The following PTPRE variants were observed in gnomAD, a reference collection of about 807,000 sequenced individuals.
The protein encoded by PTPRE is receptor-type tyrosine-protein phosphatase epsilon.
A neutral mutation model predicts 102.0 loss-of-function variants in PTPRE; 51 were observed. That is an observed-to-expected ratio of 0.50 (90% confidence interval 0.40 to 0.63). The LOEUF (loss-of-function observed/expected upper bound fraction) is 0.63. PTPRE is among the 30% of genes least tolerant of loss of function. The pLI, the probability that PTPRE is intolerant of heterozygous loss-of-function variation, is 0.00. For missense variants in PTPRE, 752 were observed against 915.1 expected (o/e 0.82, Z 2.30); for synonymous variants, 345 against 348.2 (o/e 0.99, Z 0.10).
In PTPRE at chr10:128,056,105, T is replaced by C. The variant is rs4424589; in HGVS notation, c.421-18T>C. 0.8 allele frequency: 1,253,590 copies of C among 1,564,958 alleles called. 503,815 individuals carry two copies. Among genetic ancestry groups the C allele is most frequent in the African/African-American group, 0.91 (67,345 of 73,886 alleles). On this transcript the variant is annotated intron_variant, in intron 6 of 20. Transcript: ENST00000254667. ...TTGAATCCATCACATTTCATACTAATGCTACATTTTCTTCCAGTCATTGCC... is the reference window on the plus strand; with the variant it reads ...TTGAATCCATCACATTTCATACTAACGCTACATTTTCTTCCAGTCATTGCC...
At chr10:127,935,524 G>C (rs563156799) in intron 1 of PTPRE, among the ~76,000 whole-genome samples, 1 of 152,098 alleles carries the variant, frequency 6.6e-6, no homozygotes, top group Non-Finnish European at 1.5e-5. Flanking sequence ...CCCAGCCTGA[G>C]GGCATCTGGG....
chr10:128,017,359 C>T (rs1266767330), intron 2 of PTPRE, among the ~76,000 whole-genome samples: 1 of 152,132 alleles, frequency 6.6e-6, no homozygotes, highest in African/African-American at 2.4e-5. Flanking sequence ...CCAGTGTGCA[C>T]ATTGTGAGGG....
At chr10:127,970,213 C>T (rs1162873994) in intron 1 of PTPRE, among the ~76,000 whole-genome samples, 1 of 152,132 alleles carries the variant, frequency 6.6e-6, no homozygotes, top group African/African-American at 2.4e-5. Context: ...GGGGGACACC[C>T]CACAATGATG....
intron 2 of PTPRE, among the ~76,000 whole-genome samples, chr10:127,989,565 C>T (rs1033948122): frequency 6.6e-6 from 1 of 152,186 alleles, no homozygotes; most frequent in Non-Finnish European, 1.5e-5. Context: ...CAGTCCCCAG[C>T]GGTGCTCTCT....
chr10:128,022,139 A>T (rs1240972958), intron 2 of PTPRE, among the ~76,000 whole-genome samples: 1 of 152,192 alleles, frequency 6.6e-6, no homozygotes, highest in Non-Finnish European at 1.5e-5. Flanking sequence ...GGTGGTCTTG[A>T]CCTGATCATC....
chr10:128,000,685 A>G (rs1853785856), intron 2 of PTPRE, among the ~76,000 whole-genome samples: 1 of 152,252 alleles, frequency 6.6e-6, no homozygotes, highest in Non-Finnish European at 1.5e-5. Flanking sequence ...GAGAATAAAT[A>G]TTAGATTTCA....
intron 1 of PTPRE, among the ~76,000 whole-genome samples, chr10:127,955,133 T>C (rs145339926): frequency 3.0e-4 from 46 of 152,252 alleles, no homozygotes; most frequent in Non-Finnish European, 4.6e-4. Flanking sequence ...TGCCTCTTAG[T>C]ACTACCATAC....
Position 128,070,726 on chromosome 10 carries a change from C to G in PTPRE, c.1294-82C>G. 6.9e-7 allele frequency: 1 copy of G among 1,452,042 alleles called. No individual in the cohort carries two copies. The allele number at this position is 1,452,042 out of a possible 1,614,324, so 89.9% of individuals were successfully genotyped here. On this transcript the variant is annotated intron_variant, in intron 14 of 20. Coordinates refer to ENST00000254667, the MANE Select transcript of PTPRE (RefSeq NM_006504.6). This position sits in a 1 kb window ranked among gnomAD's most constrained non-coding sequence, Gnocchi z 4.8. The stretch of plus-strand genomic sequence containing the variant: ...GTTTCCTTTGAGCAGGCGTCCTTGC[C>G]AGCAGCACTAGTCCTCGGCTGAGCA...
intron 12 of PTPRE, 95 bp from the exon 13 acceptor site, chr10:128,069,597 A>C (rs1428398099): frequency 2.0e-6 from 3 of 1,528,864 alleles, no homozygotes; most frequent in Non-Finnish European, 2.6e-6. Context: ...AAAAAGTTGC[A>C]TCCAGTGACC....
Position 128,062,930 on chromosome 10 carries a change from C to T in PTPRE, c.626-153C>T, listed in dbSNP as rs112070640. 2.4e-5 allele frequency: 33 copies of T among 1,374,610 alleles called. 1 individual carries two copies. The highest frequency in any genetic ancestry group is 2.0e-4 in the African/African-American group (14 of 68,732). The allele number at this position is 1,374,610 out of a possible 1,614,324, so 85.2% of individuals were successfully genotyped here. On this transcript the variant is annotated intron_variant, in intron 9 of 20. Coordinates refer to ENST00000254667, the MANE Select transcript of PTPRE (RefSeq NM_006504.6). ...CAGGACAGGCAGCCCCTACCGGTTC[C>T]GGAACGCTTCAGGGCATGACGTGTG...
intron 1 of PTPRE, among the ~76,000 whole-genome samples, chr10:127,974,450 G>A (rs756935430): frequency 3.3e-5 from 5 of 152,160 alleles, no homozygotes; most frequent in Non-Finnish European, 5.9e-5. Flanking sequence ...TGAGAAAGAT[G>A]ACCTAACTTT....
In PTPRE at chr10:128,047,490, G is replaced by A. The variant is rs781598674; in HGVS notation, c.209+1G>A. On this transcript the variant is annotated splice_donor_variant, in intron 4 of 20. Coordinates refer to ENST00000254667, the MANE Select transcript of PTPRE (RefSeq NM_006504.6). LOFTEE classifies it high-confidence loss of function. ...TCCTTCTCGCCGCCTACTTCTTCAG[G>A]TAGGAGTGTCCCGGGGCACTGACTT... is the stretch of plus-strand genomic sequence containing the variant. 1 of 1,613,144 alleles carries A rather than the reference G, an allele frequency of 6.2e-7. No homozygotes were observed. The highest frequency in any genetic ancestry group is 8.5e-7 in the Non-Finnish European group (1 of 1,180,018).
chr10:128,068,330 A>G, intron 12 of PTPRE, 44 bp downstream of exon 12: 1 of 1,573,738 alleles, frequency 6.4e-7, no homozygotes, highest in South Asian at 1.2e-5. Flanking sequence ...AGGGCAGGCC[A>G]CAGTGGGATG....
At position 128,070,563 on chromosome 10, in the gene PTPRE, C is replaced by T; in HGVS notation, c.1293+113C>T. On this transcript the variant is annotated intron_variant, in intron 14 of 20. Coordinates refer to ENST00000254667, the MANE Select transcript of PTPRE (RefSeq NM_006504.6). This position sits in a 1 kb window ranked among gnomAD's most constrained non-coding sequence, Gnocchi z 4.8. The stretch of plus-strand genomic sequence containing the variant: ...CAATCACTTGCCCCTTAACTGACCT[C>T]AGAAAAAGCAGGGGCAATACCTGAG... 7.2e-7 allele frequency: 1 copy of T among 1,382,004 alleles called. No individual in the cohort carries two copies. Among genetic ancestry groups the T allele is most frequent in the Non-Finnish European group, 9.7e-7 (1 of 1,033,028 alleles). The allele number at this position is 1,382,004 out of a possible 1,614,324, so 85.6% of individuals were successfully genotyped here. A position where few individuals can be genotyped will look rare whatever the true frequency, so the allele number is the denominator to read the frequency against.
At position 127,912,719 on chromosome 10, in the gene PTPRE, C is replaced by T. The variant is rs760899559; in HGVS notation, c.-31+5410C>T. Among the ~76,000 whole-genome samples, 5 of 152,312 alleles carry T rather than the reference C, an allele frequency of 3.3e-5. No individual in the cohort carries two copies. The East Asian group carries it at 5.8e-4, about 18-fold the overall frequency. On this transcript the variant is annotated intron_variant, in intron 1 of 20. Transcript: ENST00000254667. ...TGGGAACAATAGCATTTGGTGTGAG[C>T]GCCCTGGGCAGGTACATGACTCTGT...
chr10:128,016,150 C>T (rs1293116384), intron 2 of PTPRE, among the ~76,000 whole-genome samples: 2 of 152,084 alleles, frequency 1.3e-5, no homozygotes, highest in Non-Finnish European at 2.9e-5. Flanking sequence ...GGGCATGGAC[C>T]ATATGGGGGT....
Position 128,047,718 on chromosome 10 carries a change from G to A in PTPRE, c.210-46G>A, listed in dbSNP as rs200802556. Reference sequence around the variant, plus strand: ...ACTGTGCCGAGCGCTGTTGGCTCTCGGGGAACCTAGAAGTGTGGAAACCTA... The same window carrying A: ...ACTGTGCCGAGCGCTGTTGGCTCTCAGGGAACCTAGAAGTGTGGAAACCTA... On this transcript the variant is annotated intron_variant, in intron 4 of 20. Coordinates refer to ENST00000254667, the MANE Select transcript of PTPRE (RefSeq NM_006504.6). The A allele has an allele frequency of 2.4e-5, 39 of 1,614,042 alleles. No individual in the cohort carries two copies. The East Asian group carries it at 5.3e-4, about 22-fold the overall frequency.
chr10:127,973,948 C>G (rs972274657), intron 1 of PTPRE, among the ~76,000 whole-genome samples: 3 of 152,214 alleles, frequency 2.0e-5, no homozygotes, highest in African/African-American at 7.2e-5. Flanking sequence ...CCACCACTGC[C>G]CTTGAGAACA....
At chr10:128,037,154 C>T (rs746442455) in intron 2 of PTPRE, among the ~76,000 whole-genome samples, 6 of 152,194 alleles carry the variant, frequency 3.9e-5, no homozygotes, top group African/African-American at 9.7e-5. Flanking sequence ...GAAAATGAGC[C>T]CTTAGGGCCA....
Sources: allele counts gnomAD v4.1 joint callset (sites outside exome capture counted in the v4.1 genomes callset), GRCh38; gene constraint gnomAD v4.1.1; non-coding constraint Gnocchi (gnomAD v3.1); transcripts MANE v1.5; gene names NCBI Gene and HGNC (gene_info 2026-07-23, HGNC 2026-07-21).